Variants in CNTN5 observed in about 807,000 individuals in gnomAD.
CNTN5 encodes the protein contactin 5.
A neutral mutation model predicts 129.1 loss-of-function variants in CNTN5; 77 were observed. The ratio of observed to expected loss-of-function variants is 0.60; its 90% CI spans 0.50 to 0.72. The LOEUF is 0.72. CNTN5 is among the 30% of genes least tolerant of loss of function. The pLI is 0.00. For synonymous variants in CNTN5, 509 were observed against 465.6 expected (o/e 1.09, Z -1.20); for missense variants, 1,478 against 1,328.8 (o/e 1.11, Z -1.75).
chr11:99,167,471 C>G (rs867888315), intron 1 of CNTN5, among the ~76,000 whole-genome samples: 12 of 151,984 alleles, frequency 7.9e-5, no homozygotes, highest in African/African-American at 2.9e-4. Flanking sequence ...TTTATTTGTA[C>G]TGTAAATGCA....
chr11:99,666,292 A>T (rs10893674), intron 3 of CNTN5, among the ~76,000 whole-genome samples: 17,680 of 152,154 alleles, frequency 0.12, 1,388 homozygotes, highest in East Asian at 0.28. Context: ...TAACTTAAAA[A>T]GTTATTTTCC....
chr11:99,067,008 C>A (rs1865130295), intron 1 of CNTN5, among the ~76,000 whole-genome samples: 2 of 152,162 alleles, frequency 1.3e-5, no homozygotes, highest in Admixed American at 1.3e-4. Flanking sequence ...CCTTTTATTT[C>A]CATGAGCTAG....
intron 11 of CNTN5, 95 bp downstream of exon 11, chr11:100,070,655 C>A: frequency 8.6e-7 from 1 of 1,158,640 alleles, no homozygotes; most frequent in Non-Finnish European, 1.2e-6. Flanking sequence ...AAAGCCTTTT[C>A]CTGTTTCTGA....
intron 3 of CNTN5, among the ~76,000 whole-genome samples, chr11:99,792,573 G>GTGTGTGTCTGTCTGTCTGTCTGTC (rs34622017): frequency 8.6e-6 from 1 of 116,614 alleles, no homozygotes; most frequent in African/African-American, 3.7e-5. Flanking sequence ...GTGTGTGTGT[G>GTGTGTGTCTGTCTGTCTGTCTGTC]TGTCTGTCTG....
chr11:99,281,803 A>G (rs1863709861), intron 1 of CNTN5, among the ~76,000 whole-genome samples: 1 of 151,880 alleles, frequency 6.6e-6, no homozygotes, highest in Non-Finnish European at 1.5e-5. Flanking sequence ...TTATTATTAA[A>G]ATGTTTTTAC....
At chr11:99,775,309 A>G (rs1160915867) in intron 3 of CNTN5, among the ~76,000 whole-genome samples, 1 of 151,562 alleles carries the variant, frequency 6.6e-6, no homozygotes, top group Admixed American at 6.6e-5. Context: ...TTAACAATGA[A>G]AAATAATGTA....
intron 13 of CNTN5, among the ~76,000 whole-genome samples, chr11:100,160,541 GAGAGTGAA>G (rs1947412977): frequency 6.6e-6 from 1 of 151,910 alleles, no homozygotes; most frequent in South Asian, 2.1e-4. Context: ...CAAGAGAGAA[GAGAGTGAA>G]AGAGTGAGAA....
At chr11:99,091,807 G>C (rs1240754709) in intron 1 of CNTN5, among the ~76,000 whole-genome samples, 1 of 152,148 alleles carries the variant, frequency 6.6e-6, no homozygotes, top group Non-Finnish European at 1.5e-5. Context: ...ATATAGAATA[G>C]AGCAGAGGAA....
intron 18 of CNTN5, among the ~76,000 whole-genome samples, chr11:100,294,400 T>C (rs957625766): frequency 6.6e-6 from 1 of 151,732 alleles, no homozygotes; most frequent in Non-Finnish European, 1.5e-5. Context: ...GAGTTTATAT[T>C]TCAACATGCC....
chr11:100,055,652 C>G (rs2137770611), intron 9 of CNTN5, among the ~76,000 whole-genome samples: 1 of 151,682 alleles, frequency 6.6e-6, no homozygotes, highest in Non-Finnish European at 1.5e-5. Flanking sequence ...TGTTGAAAAG[C>G]CAGTAGACAT....
chr11:100,088,039 A>AT (rs2137974181), intron 13 of CNTN5, among the ~76,000 whole-genome samples: 1 of 128,050 alleles, frequency 7.8e-6, no homozygotes, highest in East Asian at 2.7e-4. Context: ...TAAGGCAGAA[A>AT]TAAAAAAAAA....
chr11:99,689,530 G>GAAAAAAAAA (rs368912453), intron 3 of CNTN5, among the ~76,000 whole-genome samples: 2 of 92,898 alleles, frequency 2.2e-5, no homozygotes, highest in African/African-American at 8.4e-5. Flanking sequence ...CCTCAAAAAA[G>GAAAAAAAAA]AAAAAAAAAA....
At chr11:99,548,822 C>G (rs1014125849) in intron 2 of CNTN5, among the ~76,000 whole-genome samples, 1 of 152,056 alleles carries the variant, frequency 6.6e-6, no homozygotes, top group Non-Finnish European at 1.5e-5. Context: ...ATGATGTGCA[C>G]AGGTATTTCT....
At chr11:99,079,850 T>G (rs937547803) in intron 1 of CNTN5, among the ~76,000 whole-genome samples, 7 of 152,218 alleles carry the variant, frequency 4.6e-5, no homozygotes, top group Admixed American at 4.6e-4. Flanking sequence ...TGCCTTCAGA[T>G]AGATCAGATT....
chr11:99,445,218 A>G (rs142794523), intron 2 of CNTN5, among the ~76,000 whole-genome samples: 1 of 151,090 alleles, frequency 6.6e-6, no homozygotes, highest in East Asian at 1.9e-4. Context: ...GTGTTTGCAT[A>G]CATATATGTA....
chr11:100,132,263 C>A (rs539954756), intron 13 of CNTN5, among the ~76,000 whole-genome samples: 1 of 152,114 alleles, frequency 6.6e-6, no homozygotes, highest in South Asian at 2.1e-4. Context: ...TCTCCTGGGG[C>A]AGTTTCCTCA....
At chr11:99,417,175 C>T (rs147550929) in intron 2 of CNTN5, among the ~76,000 whole-genome samples, 319 of 152,100 alleles carry the variant, frequency 2.1e-3, no homozygotes, top group African/African-American at 7.5e-3. Context: ...CAAATAGCAG[C>T]GTGAATACAT....
At chr11:100,253,964 T>C (rs2138720367) in intron 16 of CNTN5, among the ~76,000 whole-genome samples, 1 of 152,036 alleles carries the variant, frequency 6.6e-6, no homozygotes, top group African/African-American at 2.4e-5. Context: ...CCTTGACTCC[T>C]TTTTTTTATT....
At chr11:99,825,610 A>G (rs1304226979) in intron 4 of CNTN5, among the ~76,000 whole-genome samples, 1 of 152,022 alleles carries the variant, frequency 6.6e-6, no homozygotes, top group Non-Finnish European at 1.5e-5. Context: ...CTTAGTCTTT[A>G]TCTGTCTGAA....
Sources: allele counts gnomAD v4.1 joint callset (sites outside exome capture counted in the v4.1 genomes callset), GRCh38; gene constraint gnomAD v4.1.1; transcripts MANE v1.5; gene names NCBI Gene and HGNC (gene_info 2026-07-23, HGNC 2026-07-21).